Variants in ZBTB47 observed in about 807,000 individuals in gnomAD.
ZBTB47 encodes zinc finger and BTB domain-containing protein 47.
Under a neutral mutation model 56.6 loss-of-function variants are expected in ZBTB47, and 24 were observed. The observed-to-expected ratio is 0.42, with a 90% CI of 0.31 to 0.60. The LOEUF is 0.60. Among genes scored for constraint, ZBTB47 ranks in the 20% least tolerant of loss-of-function variants. ZBTB47 has a pLI of 0.14. For missense variants in ZBTB47, 829 were observed against 1,032.6 expected (o/e 0.80, Z 2.70); for synonymous variants, 414 against 418.9 (o/e 0.99, Z 0.14).
At position 42,654,992 on chromosome 3, in the gene ZBTB47, G is replaced by A. The variant is rs1055079776; in HGVS notation, c.-82+1109G>A. On this transcript the variant is annotated intron_variant, in intron 1 of 5. Transcript: ENST00000232974. The surrounding 1 kb of genome is among the most constrained non-coding windows in gnomAD (Gnocchi z 5.0). ...CCCGGACGGCGCCGCCCTCGGGCTG[G>A]GTAATGGGGGGAAGAGGGAGTCGGA... Among the ~76,000 whole-genome samples, 3 of 152,110 alleles carry A rather than the reference G, an allele frequency of 2.0e-5. No homozygotes were observed. Among genetic ancestry groups the A allele is most frequent in the Non-Finnish European group, 1.5e-5 (1 of 68,002 alleles).
intron 1 of ZBTB47, 67 bp from the exon 2 acceptor site, chr3:42,658,208 G>T (rs934587159): frequency 1.2e-5 from 17 of 1,421,412 alleles, no homozygotes; most frequent in Admixed American, 2.8e-5. Context: ...GCTGGGAGTG[G>T]TGCTGGGGGA....
rs1710675617 is a variant in ZBTB47, at chr3:42,659,061, G to A, written c.706G>A (p.Val236Met). 2 of 1,519,854 alleles carry A rather than the reference G, an allele frequency of 1.3e-6. No homozygotes were observed. Among genetic ancestry groups the A allele is most frequent in the African/African-American group, 1.4e-5 (1 of 72,646 alleles). 94.1% of individuals were successfully genotyped at this position (1,519,854 alleles called of 1,614,324 possible). The change falls in exon 2 of 6, where the codon GTG becomes ATG. Residue 236 changes from valine (V) to methionine (M), a missense_variant. By Grantham distance (21) the Val-to-Met change is conservative (BLOSUM62 1). Around this residue, in one of 6 missense-constraint regions of ZBTB47, gnomAD observed 359 missense variants for 359.8 expected, o/e 1.00. Coordinates refer to ENST00000232974, the MANE Select transcript of ZBTB47 (RefSeq NM_145166.4). The stretch of plus-strand genomic sequence containing the variant: ...CCGCAGGGAGCAATCCCAGATCATC[G>A]TGGAGGTGAACCTCAACAACCAGAC... ...YSRREQSQII[V>M]EVNLNNQTLH... is the part of the protein sequence containing the mutation.
At chr3:42,657,875 G>A (rs82755) in intron 1 of ZBTB47, among the ~76,000 whole-genome samples, 3 of 151,994 alleles carry the variant, frequency 2.0e-5, no homozygotes, top group African/African-American at 4.8e-5. Context: ...GTGTGCCTGC[G>A]ATGGTCCTGG....
chr3:42,663,053 A>G lies in ZBTB47; in HGVS notation c.1663A>G (p.Lys555Glu). Residue 555 changes from lysine to glutamate, a missense_variant, in exon 4 of 6, where the codon AAG (lysine) becomes GAG (glutamate). This residue lies in a region of ZBTB47 where 187 missense variants were observed against 253.1 expected (regional missense o/e 0.74). Transcript: ENST00000232974. This position sits in a 1 kb window ranked among gnomAD's most constrained non-coding sequence, Gnocchi z 5.1. ...GCCCTTCACCTGCGAGACCTGCGGA[A>G]AGTCCTTCAAGCGCAGCATGTCCCT... Reference protein sequence around the residue: ...DMPFTCETCGKSFKRSMSLKV... With the variant: ...DMPFTCETCGESFKRSMSLKV... The G allele has an allele frequency of 6.2e-7, 1 of 1,613,894 alleles. No homozygotes were observed. The highest frequency in any genetic ancestry group is 1.7e-5 in the Admixed American group (1 of 60,016).
Position 42,659,719 on chromosome 3 carries a change from T to C in ZBTB47, c.1364T>C (p.Met455Thr). ...FNNRWYLEKHMNVTHSRMQIC... is the reference protein window; with the variant it reads ...FNNRWYLEKHTNVTHSRMQIC... ...AACCGCTGGTACCTGGAGAAACACA[T>C]GAATGTGACCCACAGCCGCATGCAG... is the stretch of plus-strand genomic sequence containing the variant. The change falls in exon 2 of 6, where the codon ATG becomes ACG. Residue 455 changes from methionine to threonine, a missense_variant. Physicochemically the swap from Met to Thr is moderately conservative, Grantham distance 81. Around this residue, in one of 6 missense-constraint regions of ZBTB47, gnomAD observed 187 missense variants for 253.1 expected, o/e 0.74. Coordinates refer to ENST00000232974, the MANE Select transcript of ZBTB47 (RefSeq NM_145166.4). 6.2e-7 allele frequency: 1 copy of C among 1,613,794 alleles called. No individual in the cohort carries two copies. The highest frequency in any genetic ancestry group is 8.5e-7 in the Non-Finnish European group (1 of 1,179,824).
In ZBTB47 at chr3:42,664,403, C is replaced by T. The variant is rs772667600; in HGVS notation, c.2049C>T (p.Phe683=). Residue 683 remains phenylalanine, a synonymous_variant, in exon 6 of 6, where the codon TTC becomes TTT. Coordinates refer to ENST00000232974, the MANE Select transcript of ZBTB47 (RefSeq NM_145166.4). ...TCAAGGCCCACAAGGAGAAGTGCTTCCGCGTCAGCCACACCCTGGCCGGCG... is the reference window on the plus strand; with the variant it reads ...TCAAGGCCCACAAGGAGAAGTGCTTTCGCGTCAGCCACACCCTGGCCGGCG... ...NMLKAHKEKC[F]RVSHTLAGDG... 5 of 1,585,696 alleles carry T rather than the reference C, an allele frequency of 3.2e-6. No homozygotes were observed. Among genetic ancestry groups the T allele is most frequent in the Non-Finnish European group, 4.3e-6 (5 of 1,167,802 alleles).
chr3:42,658,971 A>G lies in ZBTB47; in HGVS notation c.616A>G (p.Ser206Gly). ...CGAGGAGGCCGGTGGGCCCCCAGCC[A>G]GCTTGTGCAAGCTGGAGGGTGGAGA... ...GVEEAGGPPA[S>G]LCKLEGGEEL... Residue 206 changes from serine to glycine, a missense_variant, in exon 2 of 6, where the codon AGC (serine) becomes GGC (glycine). By Grantham distance (56) the Ser-to-Gly change is moderately conservative. This residue lies in a region of ZBTB47 where 359 missense variants were observed against 359.8 expected (regional missense o/e 1.00). Coordinates refer to ENST00000232974, the MANE Select transcript of ZBTB47 (RefSeq NM_145166.4). 6.6e-7 allele frequency: 1 copy of G among 1,512,474 alleles called. No individual in the cohort carries two copies. Among genetic ancestry groups the G allele is most frequent in the Non-Finnish European group, 8.8e-7 (1 of 1,135,998 alleles). The allele number at this position is 1,512,474 out of a possible 1,614,324, so 93.7% of individuals were successfully genotyped here. A position where few individuals can be genotyped will look rare whatever the true frequency, so the allele number is the denominator to read the frequency against.
Position 42,659,839 on chromosome 3 carries a change from C to A in ZBTB47, c.1473+11C>A. 1 of 1,588,296 alleles carries A rather than the reference C, an allele frequency of 6.3e-7. No homozygotes were observed. ...GAGCGCAACATCCAGGTGGGCCTCA[C>A]GTGGCTGGGGGCAGGGCAGAGGCTG... On this transcript the variant is annotated intron_variant, in intron 2 of 5. Coordinates refer to ENST00000232974, the MANE Select transcript of ZBTB47 (RefSeq NM_145166.4).
intron 3 of ZBTB47, 146 bp downstream of exon 3, chr3:42,661,778 A>C (rs1435825445): frequency 6.1e-6 from 7 of 1,139,772 alleles, no homozygotes; most frequent in Non-Finnish European, 8.5e-6. Flanking sequence ...GGTTGGTTCC[A>C]GTGGCAGGTG....
In ZBTB47 at chr3:42,654,801, C is replaced by G. The variant is rs1371039723; in HGVS notation, c.-82+918C>G. 1.5e-6 allele frequency: 1 copy of G among 676,534 alleles called. No homozygotes were observed. The highest frequency in any genetic ancestry group is 1.8e-6 in the Non-Finnish European group (1 of 547,490). The allele number at this position is 676,534 out of a possible 1,614,324, so 41.9% of individuals were successfully genotyped here. ...GGGTGGAGGGGCTGGAGGGATCTTC[C>G]CCCCTCCCCCGGTCTCCCGGCTCCA... On this transcript the variant is annotated intron_variant, in intron 1 of 5. Coordinates refer to ENST00000232974, the MANE Select transcript of ZBTB47 (RefSeq NM_145166.4). This position sits in a 1 kb window ranked among gnomAD's most constrained non-coding sequence, Gnocchi z 5.0.
In ZBTB47 at chr3:42,658,548, G is replaced by A. The variant is rs771416806; in HGVS notation, c.193G>A (p.Gly65Ser). Residue 65 changes from glycine (G) to serine (S), a missense_variant, in exon 2 of 6, where the codon GGT becomes AGT. Physicochemically the swap from Gly to Ser is moderately conservative, Grantham distance 56. Around this residue, in one of 6 missense-constraint regions of ZBTB47, gnomAD observed 120 missense variants for 200.2 expected, o/e 0.60. Coordinates refer to ENST00000232974, the MANE Select transcript of ZBTB47 (RefSeq NM_145166.4). ...GCTGTCCCTGGAGGCACTGGCACCT[G>A]GTGGCCTGCAGCAGATCCTCAACTT... is the stretch of plus-strand genomic sequence containing the variant. ...VELSLEALAP[G>S]GLQQILNFIY... is the part of the protein sequence containing the mutation. The A allele has an allele frequency of 6.5e-7, 1 of 1,537,180 alleles. No individual in the cohort carries two copies. The highest frequency in any genetic ancestry group is 1.2e-5 in the South Asian group (1 of 84,058).
Position 42,664,424 on chromosome 3 carries a change from C to CG in ZBTB47, c.2072dup (p.Asp692ArgfsTer136). 6.5e-7 allele frequency: 1 copy of CG among 1,549,468 alleles called. No individual in the cohort carries two copies. The highest frequency in any genetic ancestry group is 8.7e-7 in the Non-Finnish European group (1 of 1,149,868). On this transcript the variant is annotated frameshift_variant, in exon 6 of 6. Coordinates refer to ENST00000232974, the MANE Select transcript of ZBTB47 (RefSeq NM_145166.4). LOFTEE classifies it low-confidence loss of function (END_TRUNC). The stretch of plus-strand genomic sequence containing the variant: ...GCTTCCGCGTCAGCCACACCCTGGC[C>CG]GGCGACGGCGTCCCCGCTGCCCCAG...
rs1295813440 is a variant in ZBTB47 at position 42,663,135 on chromosome 3, T to C, written c.1737+8T>C. 6.2e-6 allele frequency: 10 copies of C among 1,601,132 alleles called. No homozygotes were observed. Among genetic ancestry groups the C allele is most frequent in the Non-Finnish European group, 8.6e-6 (10 of 1,168,560 alleles). The stretch of plus-strand genomic sequence containing the variant: ...AAGCCGTTCAGATGTGAGGTGAGCT[T>C]CCATCTCCTGCCTGGCCTGCCCGAG... On this transcript the variant is annotated splice_region_variant and intron_variant, in intron 4 of 5. Coordinates refer to ENST00000232974, the MANE Select transcript of ZBTB47 (RefSeq NM_145166.4). This position sits in a 1 kb window ranked among gnomAD's most constrained non-coding sequence, Gnocchi z 5.1.
Position 42,661,562 on chromosome 3 carries a change from G to A in ZBTB47, c.1551G>A (p.Glu517=). The A allele has an allele frequency of 1.9e-6, 3 of 1,614,038 alleles. No homozygotes were observed. Among genetic ancestry groups the A allele is most frequent in the Middle Eastern group, 1.7e-4 (1 of 6,058 alleles). ...ACAAGATTGTGCACGGCTACGCAGA[G>A]AAGAAGTTCTCATGCGAGATCTGTG... The part of the protein sequence containing the change: ...EHNKIVHGYA[E]KKFSCEICEK... The change falls in exon 3 of 6, where the codon GAG becomes GAA. Residue 517 remains glutamate (E), a synonymous_variant. Coordinates refer to ENST00000232974, the MANE Select transcript of ZBTB47 (RefSeq NM_145166.4).
rs1421898536 is a variant in ZBTB47 at position 42,666,646 on chromosome 3, C to T, written c.*2048C>T. ...CCACAGGCACTGGTGGTGTCATCACCTGCTGGCCCCACTACAGCCTGAGTA... is the reference window on the plus strand; with the variant it reads ...CCACAGGCACTGGTGGTGTCATCACTTGCTGGCCCCACTACAGCCTGAGTA... On this transcript the variant is annotated 3_prime_UTR_variant, in exon 6 of 6. Transcript: ENST00000232974. Among the ~76,000 whole-genome samples, 4 of 152,220 alleles carry T rather than the reference C, an allele frequency of 2.6e-5. No homozygotes were observed. The highest frequency in any genetic ancestry group is 2.0e-4 in the Admixed American group (3 of 15,286).
At position 42,658,283 on chromosome 3, in the gene ZBTB47, T is replaced by A; in HGVS notation, c.-73T>A. 2 of 1,473,774 alleles carry A rather than the reference T, an allele frequency of 1.4e-6. No individual in the cohort carries two copies. The highest frequency in any genetic ancestry group is 1.8e-6 in the Non-Finnish European group (2 of 1,115,350). The allele number at this position is 1,473,774 out of a possible 1,614,324, so 91.3% of individuals were successfully genotyped here. A position where few individuals can be genotyped will look rare whatever the true frequency, so the allele number is the denominator to read the frequency against. On this transcript the variant is annotated 5_prime_UTR_variant, in exon 2 of 6. An upstream open reading frame in the 5' UTR gains an earlier in-frame stop. Coordinates refer to ENST00000232974, the MANE Select transcript of ZBTB47 (RefSeq NM_145166.4). ...GCCCTCTGTCCCCGCAGTTGCTGGTTGAGAAGACAACTGACTCCCCGGCGG... is the reference window on the plus strand; with the variant it reads ...GCCCTCTGTCCCCGCAGTTGCTGGTAGAGAAGACAACTGACTCCCCGGCGG...
Position 42,659,425 on chromosome 3 carries a change from G to A in ZBTB47, c.1070G>A (p.Gly357Asp). 3 of 717,652 alleles carry A rather than the reference G, an allele frequency of 4.2e-6. No individual in the cohort carries two copies. Among genetic ancestry groups the A allele is most frequent in the East Asian group, 7.3e-5 (1 of 13,700 alleles). 44.5% of individuals were successfully genotyped at this position (717,652 alleles called of 1,614,324 possible). A position where few individuals can be genotyped will look rare whatever the true frequency, so the allele number is the denominator to read the frequency against. ...GAGGGGGAGGAGGGGGAGGCTGGGG[G>A]CAAGCAGGGGCCACGGGGAAGCCGA... is the stretch of plus-strand genomic sequence containing the variant. ...EEEGEEGEAGGKQGPRGSRSS... is the reference protein window; with the variant it reads ...EEEGEEGEAGDKQGPRGSRSS... Residue 357 changes from glycine to aspartate, a missense_variant, in exon 2 of 6, where the codon GGC becomes GAC. Transcript: ENST00000232974.
chr3:42,664,763 C>G lies in ZBTB47; in HGVS notation c.*165C>G. Reference sequence around the variant, plus strand: ...TGAGGCCCCGACGAGGAGGGGTATGCAGGCTGGCAGGCCCCAGAGCTGGTG... The same window carrying G: ...TGAGGCCCCGACGAGGAGGGGTATGGAGGCTGGCAGGCCCCAGAGCTGGTG... On this transcript the variant is annotated 3_prime_UTR_variant, in exon 6 of 6. Transcript: ENST00000232974. The G allele has an allele frequency of 1.3e-6, 1 of 743,426 alleles. No homozygotes were observed. The highest frequency in any genetic ancestry group is 4.7e-5 in the South Asian group (1 of 21,288). The allele number at this position is 743,426 out of a possible 1,614,324, so 46.1% of individuals were successfully genotyped here.
chr3:42,655,393 G>A (rs565433095), intron 1 of ZBTB47, among the ~76,000 whole-genome samples: 48 of 152,316 alleles, frequency 3.2e-4, no homozygotes, highest in Non-Finnish European at 5.9e-5. Context: ...AGGGTAGAGA[G>A]ATGAGGCTTC....
Sources: gnomAD v4.1 joint callset for allele counts (sites outside exome capture counted in the v4.1 genomes callset) on GRCh38, gnomAD v4.1.1 for gene constraint, gnomAD v4.1.1 regional missense constraint, Gnocchi (gnomAD v3.1) non-coding constraint, MANE v1.5 for transcripts, NCBI Gene and HGNC (gene_info 2026-07-23, HGNC 2026-07-21) for gene names.